GABRB3: variants seen among roughly 807,000 people sequenced by gnomAD.
GABRB3 encodes the protein gamma-aminobutyric acid type A receptor subunit beta3, also known as gamma-aminobutyric acid receptor subunit beta-3.
In GABRB3, 14 loss-of-function variants were observed where a neutral mutation model predicts 52.1. The observed-to-expected ratio is 0.27, with a 90% CI of 0.18 to 0.42. The LOEUF (loss-of-function observed/expected upper bound fraction) is 0.42. GABRB3 is among the 10% of genes least tolerant of loss of function. The pLI, the probability that GABRB3 is intolerant of heterozygous loss-of-function variation, is 1.00. For missense variants in GABRB3, 307 were observed against 609.1 expected, an observed-to-expected ratio of 0.50 and a Z score of 5.22; for synonymous variants, 260 against 232.3, an observed-to-expected ratio of 1.12 and a Z score of -1.08.
At chr15:26,558,472 A>G (rs1328524133) in intron 8 of GABRB3, among the ~76,000 whole-genome samples, 2 of 152,200 alleles carry the variant, frequency 1.3e-5, no homozygotes, top group Non-Finnish European at 2.9e-5. Context: ...AAACCTCCAT[A>G]GGCTTGAGAA....
chr15:26,645,071 CCT>C (rs767737136), intron 3 of GABRB3, among the ~76,000 whole-genome samples: 9 of 152,082 alleles, frequency 5.9e-5, no homozygotes, highest in Non-Finnish European at 7.4e-5. Context: ...AGTGAGAACC[CCT>C]GTCTACAAAA....
intron 3 of GABRB3, among the ~76,000 whole-genome samples, chr15:26,695,121 A>G (rs1232494004): frequency 6.6e-6 from 1 of 152,220 alleles, no homozygotes; most frequent in South Asian, 2.1e-4. Flanking sequence ...CAGGAACTTA[A>G]GAAATAGTCA....
In GABRB3 at chr15:26,672,474, T is replaced by C. The variant is rs562358601; in HGVS notation, c.241-50940A>G. On this transcript the variant is annotated intron_variant, in intron 3 of 8. Coordinates refer to ENST00000311550, the MANE Select transcript of GABRB3 (RefSeq NM_000814.6). ...TCCCTCTCTCTTTCCCCTAAGAAGA[T>C]TGGTATCAGCTCTCAAATCTCACCT... Among the ~76,000 whole-genome samples, 13 of 152,264 alleles carry C rather than the reference T, an allele frequency of 8.5e-5. No individual in the cohort carries two copies. In the East Asian group the frequency reaches 1.5e-3, roughly 18 times the overall value.
chr15:26,745,881 G>A (rs148411972), intron 3 of GABRB3, among the ~76,000 whole-genome samples: 63 of 152,220 alleles, frequency 4.1e-4, no homozygotes, highest in African/African-American at 1.4e-3. Flanking sequence ...CCAGTTTCAG[G>A]CTATTAAAAA....
intron 3 of GABRB3, among the ~76,000 whole-genome samples, chr15:26,651,463 A>G (rs950635392): frequency 5.9e-5 from 9 of 152,362 alleles, no homozygotes; most frequent in African/African-American, 2.2e-4. Flanking sequence ...GGAACATTCA[A>G]GTATGTTCAG....
intron 4 of GABRB3, among the ~76,000 whole-genome samples, chr15:26,620,102 T>G (rs1892423693): frequency 6.6e-6 from 1 of 152,194 alleles, no homozygotes; most frequent in Admixed American, 6.5e-5. Flanking sequence ...TATCAGAACC[T>G]GAACCTCCGG....
intron 3 of GABRB3, among the ~76,000 whole-genome samples, chr15:26,681,240 G>A (rs1888230327): frequency 1.3e-5 from 2 of 152,248 alleles, no homozygotes; most frequent in African/African-American, 2.4e-5. Flanking sequence ...AAAATGACAA[G>A]GGGAAGGGAT....
chr15:26,621,840 C>T lies in GABRB3; in HGVS notation c.241-306G>A, dbSNP rs141279094. Among the ~76,000 whole-genome samples the T allele has an allele frequency of 5.3e-5, 8 of 152,270 alleles. No homozygotes were observed. Among genetic ancestry groups the T allele is most frequent in the African/African-American group, 1.7e-4 (7 of 41,544 alleles). Reference sequence around the variant, plus strand: ...ATAGAAATAAACGGGAAAAAGTCATCGTAAAATCAGGTTGCTGGCGGGGAA... The same window carrying T: ...ATAGAAATAAACGGGAAAAAGTCATTGTAAAATCAGGTTGCTGGCGGGGAA... On this transcript the variant is annotated intron_variant, in intron 3 of 8. Transcript: ENST00000311550. The surrounding 1 kb of genome is among the most constrained non-coding windows in gnomAD (Gnocchi z 4.1).
intron 4 of GABRB3, among the ~76,000 whole-genome samples, chr15:26,585,193 G>A (rs1323809740): frequency 6.6e-6 from 1 of 152,122 alleles, no homozygotes; most frequent in Non-Finnish European, 1.5e-5. Context: ...TGTGTAACTG[G>A]CAGTCCTGGC....
At chr15:26,697,730 C>T (rs2140674963) in intron 3 of GABRB3, among the ~76,000 whole-genome samples, 1 of 152,246 alleles carries the variant, frequency 6.6e-6, no homozygotes, top group Middle Eastern at 3.4e-3. Flanking sequence ...TATCCCCCTC[C>T]TCCAATCCAA....
In GABRB3 at chr15:26,575,654, C is replaced by T. The variant is rs560407607; in HGVS notation, c.682+4665G>A. ...GTGCATGTATTTACAAACAGTGTGA[C>T]AGGTGGACTTTTAAAAAAATTTATA... On this transcript the variant is annotated intron_variant, in intron 6 of 8. Transcript: ENST00000311550. Among the ~76,000 whole-genome samples, 7 of 151,942 alleles carry T rather than the reference C, an allele frequency of 4.6e-5. No homozygotes were observed. In the South Asian group the frequency reaches 1.0e-3, roughly 23 times the overall value.
chr15:26,578,257 C>A (rs10519563), intron 6 of GABRB3, among the ~76,000 whole-genome samples: 3 of 152,084 alleles, frequency 2.0e-5, no homozygotes, highest in Non-Finnish European at 4.4e-5. Flanking sequence ...TCTTCATGCA[C>A]AGGTGAATTA....
At chr15:26,694,966 A>T (rs1403419081) in intron 3 of GABRB3, among the ~76,000 whole-genome samples, 1 of 152,182 alleles carries the variant, frequency 6.6e-6, no homozygotes, top group African/African-American at 2.4e-5. Flanking sequence ...TGGGGAAAGA[A>T]TCAGCGAGCT....
At chr15:26,624,984 A>G in intron 3 of GABRB3, 1 of 984,486 alleles carries the variant, frequency 1.0e-6, no homozygotes, top group Non-Finnish European at 1.2e-6. Context: ...AACCTCATTT[A>G]ACTAGGAGGC....
Position 26,709,515 on chromosome 15 carries a change from C to CTTTTTTT in GABRB3, c.240+62880_240+62886dup, listed in dbSNP as rs57044167. 3.3e-3 allele frequency among the ~76,000 whole-genome samples: 306 copies of CTTTTTTT among 91,982 alleles called. 3 individuals are homozygous for CTTTTTTT. Among genetic ancestry groups the CTTTTTTT allele is most frequent in the Non-Finnish European group, 4.2e-3 (200 of 47,852 alleles). 60.3% of individuals were successfully genotyped at this position (91,982 alleles called of 152,430 possible). A position where few individuals can be genotyped will look rare whatever the true frequency, so the allele number is the denominator to read the frequency against. On this transcript the variant is annotated intron_variant, in intron 3 of 8. Transcript: ENST00000311550. ...TAAACCTCTTTTCTTTTTTTTCTTT[C>CTTTTTTT]TTTTTTTTTTTTTTTTTTTTTTGAG... is the stretch of plus-strand genomic sequence containing the variant.
chr15:26,709,999 T>C (rs1184711993), intron 3 of GABRB3, among the ~76,000 whole-genome samples: 2 of 152,198 alleles, frequency 1.3e-5, no homozygotes, highest in Admixed American at 6.5e-5. Context: ...TCTCTCTAAA[T>C]ATAGTTTTGC....
chr15:26,545,800 T>A lies in GABRB3; in HGVS notation c.*1993A>T, dbSNP rs566656533. ...AAGCCAAAGAAATCCCTGGCTAGTC[T>A]CCAGATGAAAATAAAACCAGAGAGC... On this transcript the variant is annotated 3_prime_UTR_variant, in exon 9 of 9. Transcript: ENST00000311550. 6 of 152,514 alleles carry A rather than the reference T, an allele frequency of 3.9e-5. No individual in the cohort carries two copies. In the East Asian group the frequency reaches 1.2e-3, roughly 29 times the overall value. 9.4% of individuals were successfully genotyped at this position (152,514 alleles called of 1,614,324 possible). A position where few individuals can be genotyped will look rare whatever the true frequency, so the allele number is the denominator to read the frequency against.
At chr15:26,743,649 G>T (rs1348944775) in intron 3 of GABRB3, among the ~76,000 whole-genome samples, 1 of 152,110 alleles carries the variant, frequency 6.6e-6, no homozygotes, top group Non-Finnish European at 1.5e-5. Context: ...TAGTTTTTCT[G>T]TATGTTTTGT....
chr15:26,764,164 AAAAAAAAAAAAAAAAATATATATATAT>A (rs1890906330), intron 3 of GABRB3, among the ~76,000 whole-genome samples: 3 of 39,890 alleles, frequency 7.5e-5, no homozygotes, highest in African/African-American at 3.6e-4. Context: ...AAAAAAAAAA[AAAAAAAAAAAAAAAAATATATATATAT>A]ATATATATAT....
Sources: gnomAD v4.1 joint callset for allele counts (sites outside exome capture counted in the v4.1 genomes callset) on GRCh38, gnomAD v4.1.1 for gene constraint, Gnocchi (gnomAD v3.1) non-coding constraint, MANE v1.5 for transcripts, NCBI Gene and HGNC (gene_info 2026-07-23, HGNC 2026-07-21) for gene names.